The following GRIK2 variants were observed in gnomAD, a reference collection of about 807,000 sequenced individuals.
GRIK2 encodes the protein glutamate ionotropic receptor kainate type subunit 2, also known as glutamate receptor ionotropic, kainate 2.
A neutral mutation model predicts 100.3 loss-of-function variants in GRIK2; 32 were observed. That is an observed-to-expected ratio of 0.32 (90% CI 0.24 to 0.43). GRIK2 has a LOEUF of 0.43. Among genes scored for constraint, GRIK2 ranks in the 20% least tolerant of loss-of-function variants. GRIK2 has a pLI of 1.00. For missense variants in GRIK2, 843 were observed against 1,114.9 expected, an observed-to-expected ratio of 0.76 and a Z score of 3.47; for synonymous variants, 417 against 389.4, an observed-to-expected ratio of 1.07 and a Z score of -0.83.
At chr6:102,050,917 G>T (rs1165836099) in intron 15 of GRIK2, among the ~76,000 whole-genome samples, 1 of 152,076 alleles carries the variant, frequency 6.6e-6, no homozygotes, top group African/African-American at 2.4e-5. Context: ...TGTGTTTACT[G>T]TTTATAATAA....
At chr6:101,600,083 GT>G (rs2128309594) in intron 2 of GRIK2, among the ~76,000 whole-genome samples, 1 of 151,906 alleles carries the variant, frequency 6.6e-6, no homozygotes, top group East Asian at 1.9e-4. Flanking sequence ...TTTATGTAAG[GT>G]TAAAAGTAGG....
Position 101,800,299 on chromosome 6 carries a change from C to A in GRIK2, c.1095+508C>A, listed in dbSNP as rs532305856. ...TTATATAATGCAACCATTCTTATGA[C>A]CATATATCATTTCTGACTATGTCTG... On this transcript the variant is annotated intron_variant, in intron 8 of 16. Transcript: ENST00000369134. Among the ~76,000 whole-genome samples the A allele has an allele frequency of 1.2e-4, 18 of 151,782 alleles. 1 individual carries two copies. The highest frequency in any genetic ancestry group is 2.9e-4 in the African/African-American group (12 of 41,514).
chr6:101,787,520 G>A (rs1473240873), intron 7 of GRIK2, among the ~76,000 whole-genome samples: 1 of 152,024 alleles, frequency 6.6e-6, no homozygotes, highest in Non-Finnish European at 1.5e-5. Flanking sequence ...TTTGTTTCAA[G>A]AAACTTTTAG....
At chr6:101,979,970 T>G (rs182172475) in intron 14 of GRIK2, among the ~76,000 whole-genome samples, 64 of 152,028 alleles carry the variant, frequency 4.2e-4, no homozygotes, top group Non-Finnish European at 1.8e-4. Context: ...GGTGGAGAAG[T>G]GCATTTGGCA....
In GRIK2 at chr6:101,463,210, C is replaced by CT. The variant is rs1771432638; in HGVS notation, c.115+63818_115+63819insT. ...CATTTTACAGGCAGTGTTTTAGAGA[C>CT]AGTATCCATAGTCTGCAAGACACAC... On this transcript the variant is annotated intron_variant, in intron 2 of 16. Coordinates refer to ENST00000369134, the MANE Select transcript of GRIK2 (RefSeq NM_021956.5). 3.9e-5 allele frequency among the ~76,000 whole-genome samples: 6 copies of CT among 151,990 alleles called. No homozygotes were observed. In the South Asian group the frequency reaches 1.2e-3, roughly 32 times the overall value.
intron 15 of GRIK2, among the ~76,000 whole-genome samples, chr6:102,054,363 AAC>A (rs1483384405): frequency 2.6e-5 from 4 of 152,172 alleles, no homozygotes; most frequent in African/African-American, 9.6e-5. Context: ...GAAGCAGGAA[AAC>A]ACTATGGGTG....
chr6:101,798,802 C>T (rs1780481582), intron 7 of GRIK2, among the ~76,000 whole-genome samples: 2 of 152,040 alleles, frequency 1.3e-5, no homozygotes, highest in South Asian at 2.1e-4. Context: ...AGTGAGGGTC[C>T]ATTTAACACA....
intron 7 of GRIK2, among the ~76,000 whole-genome samples, chr6:101,777,289 G>C (rs1403399159): frequency 6.6e-6 from 1 of 152,144 alleles, no homozygotes; most frequent in Non-Finnish European, 1.5e-5. Context: ...GCTCAGTGCA[G>C]TGTGCCAGCT....
At chr6:101,946,004 T>A (rs996613552) in intron 14 of GRIK2, among the ~76,000 whole-genome samples, 7 of 151,582 alleles carry the variant, frequency 4.6e-5, no homozygotes, top group Non-Finnish European at 1.0e-4. Flanking sequence ...TTTAATCATG[T>A]TTATGATATA....
chr6:101,797,747 TTAA>T (rs200161601), intron 7 of GRIK2, among the ~76,000 whole-genome samples: 2,102 of 147,012 alleles, frequency 0.014, 32 homozygotes, highest in Middle Eastern at 0.039. Context: ...TGGTTATATA[TTAA>T]TAATGGTTTT....
intron 14 of GRIK2, among the ~76,000 whole-genome samples, chr6:101,958,503 T>C (rs1164948133): frequency 6.6e-6 from 1 of 152,086 alleles, no homozygotes; most frequent in Non-Finnish European, 1.5e-5. Context: ...TTTTCCAATT[T>C]GGATGCCTTT....
chr6:102,027,403 T>A (rs1470740579), intron 14 of GRIK2, among the ~76,000 whole-genome samples: 1 of 151,336 alleles, frequency 6.6e-6, no homozygotes, highest in Non-Finnish European at 1.5e-5. Context: ...AAATAGAATT[T>A]GTTAACAATA....
intron 11 of GRIK2, among the ~76,000 whole-genome samples, chr6:101,883,320 A>AATAAT (rs1786393929): frequency 6.7e-6 from 1 of 148,876 alleles, no homozygotes; most frequent in Non-Finnish European, 1.5e-5. Flanking sequence ...TAATAATAAT[A>AATAAT]ATATAATAAA....
At chr6:101,755,804 ATAT>A (rs1303595729) in intron 7 of GRIK2, among the ~76,000 whole-genome samples, 19 of 152,214 alleles carry the variant, frequency 1.2e-4, no homozygotes, top group African/African-American at 3.9e-4. Context: ...ATTGTGAAAT[ATAT>A]TATTCTCTTA....
At chr6:101,638,903 C>G (rs1295848641) in intron 4 of GRIK2, among the ~76,000 whole-genome samples, 1 of 152,056 alleles carries the variant, frequency 6.6e-6, no homozygotes, top group African/African-American at 2.4e-5. Context: ...GAGATGATTG[C>G]TTGAGCCCAG....
intron 4 of GRIK2, among the ~76,000 whole-genome samples, chr6:101,658,925 G>A (rs1324006488): frequency 6.6e-6 from 1 of 152,054 alleles, no homozygotes; most frequent in Non-Finnish European, 1.5e-5. Flanking sequence ...CTGGATATTA[G>A]CCCTTTGTCA....
chr6:101,922,822 A>G (rs767662539), intron 12 of GRIK2, among the ~76,000 whole-genome samples: 2 of 152,218 alleles, frequency 1.3e-5, no homozygotes, highest in African/African-American at 4.8e-5. Context: ...TAAAGCGGTA[A>G]TATTTTTTAA....
intron 12 of GRIK2, among the ~76,000 whole-genome samples, chr6:101,901,777 TA>T (rs140623276): frequency 3.9e-4 from 60 of 152,080 alleles, no homozygotes; most frequent in South Asian, 2.3e-3. Context: ...TTATGTATTT[TA>T]AAAAATTGAC....
intron 2 of GRIK2, among the ~76,000 whole-genome samples, chr6:101,586,740 A>T (rs191877399): frequency 1.3e-4 from 19 of 151,912 alleles, no homozygotes; most frequent in African/African-American, 4.6e-4. Flanking sequence ...AAATTAAAAA[A>T]TTAGCCAGGT....
Sources: gnomAD v4.1 joint callset for allele counts (sites outside exome capture counted in the v4.1 genomes callset) on GRCh38, gnomAD v4.1.1 for gene constraint, MANE v1.5 for transcripts, NCBI Gene and HGNC (gene_info 2026-07-23, HGNC 2026-07-21) for gene names.